The following ADAMTS19 variants were observed in gnomAD, a reference collection of about 807,000 sequenced individuals.
ADAMTS19 encodes the protein A disintegrin and metalloproteinase with thrombospondin motifs 19.
In ADAMTS19, 93 loss-of-function variants were observed where a neutral mutation model predicts 153.3. That is an observed-to-expected ratio of 0.61 (90% CI 0.51 to 0.72). The LOEUF (loss-of-function observed/expected upper bound fraction) is 0.72, where lower values mean the gene tolerates loss of function less well. ADAMTS19 is among the 30% of genes least tolerant of loss of function. The pLI is 0.00. For synonymous variants in ADAMTS19, 600 were observed against 556.6 expected (o/e 1.08, Z -1.10); for missense variants, 1,482 against 1,552.1 (o/e 0.95, Z 0.76).
chr5:129,560,443 T>C (rs547811543), intron 7 of ADAMTS19, among the ~76,000 whole-genome samples: 1 of 152,284 alleles, frequency 6.6e-6, no homozygotes, highest in African/African-American at 2.4e-5. Context: ...ATTATCTTTG[T>C]CCCAGTGCGA....
chr5:129,693,734 G>T (rs1755436331), intron 18 of ADAMTS19, among the ~76,000 whole-genome samples: 1 of 152,030 alleles, frequency 6.6e-6, no homozygotes, highest in African/African-American at 2.4e-5. Context: ...TAAGCAAAAG[G>T]AATACAGCAT....
At chr5:129,664,162 C>A (rs1052902689) in intron 15 of ADAMTS19, among the ~76,000 whole-genome samples, 3 of 152,162 alleles carry the variant, frequency 2.0e-5, no homozygotes, top group Non-Finnish European at 4.4e-5. Flanking sequence ...GTAGCTTAAA[C>A]AACTCTGGTT....
At chr5:129,697,396 C>A (rs72792833) in intron 19 of ADAMTS19, among the ~76,000 whole-genome samples, 1 of 152,110 alleles carries the variant, frequency 6.6e-6, no homozygotes, top group Non-Finnish European at 1.5e-5. Context: ...GTAGTAGAAG[C>A]TGATTATCAA....
intron 21 of ADAMTS19, among the ~76,000 whole-genome samples, chr5:129,718,646 A>G (rs1481781628): frequency 1.3e-5 from 2 of 152,184 alleles, no homozygotes; most frequent in African/African-American, 4.8e-5. Flanking sequence ...TTCCAGTAGA[A>G]GTCATCATTT....
chr5:129,536,923 G>A (rs1483349178), intron 6 of ADAMTS19, among the ~76,000 whole-genome samples: 5 of 150,688 alleles, frequency 3.3e-5, no homozygotes, highest in Admixed American at 6.6e-5. Flanking sequence ...GTGGCGGGTC[G>A]GGGGAGGGAT....
chr5:129,715,279 A>G (rs1046392270), intron 21 of ADAMTS19, among the ~76,000 whole-genome samples: 12 of 152,190 alleles, frequency 7.9e-5, no homozygotes, highest in Admixed American at 6.5e-4. Flanking sequence ...AATCCTTACA[A>G]TTTTTCAGGC....
At chr5:129,540,248 G>C (rs187671936) in intron 6 of ADAMTS19, among the ~76,000 whole-genome samples, 1 of 152,090 alleles carries the variant, frequency 6.6e-6, no homozygotes, top group Non-Finnish European at 1.5e-5. Flanking sequence ...GGTCAAGTTT[G>C]GTCTCACATA....
chr5:129,613,173 T>C (rs557191593), intron 8 of ADAMTS19, among the ~76,000 whole-genome samples: 1 of 152,258 alleles, frequency 6.6e-6, no homozygotes, highest in East Asian at 1.9e-4. Flanking sequence ...ACCTCAGTGC[T>C]GCACAAGTGG....
chr5:129,681,342 A>G (rs986610157), intron 17 of ADAMTS19, among the ~76,000 whole-genome samples: 2 of 152,164 alleles, frequency 1.3e-5, no homozygotes, highest in Non-Finnish European at 2.9e-5. Flanking sequence ...GTTCTATATA[A>G]CTGCAATTAA....
At chr5:129,577,139 A>G (rs1445652508) in intron 7 of ADAMTS19, among the ~76,000 whole-genome samples, 1 of 152,134 alleles carries the variant, frequency 6.6e-6, no homozygotes, top group Non-Finnish European at 1.5e-5. Flanking sequence ...CTGCCATCAG[A>G]GAGAAGCCTT....
At chr5:129,725,275 CT>C (rs1305717150) in intron 21 of ADAMTS19, among the ~76,000 whole-genome samples, 1 of 152,054 alleles carries the variant, frequency 6.6e-6, no homozygotes, top group Non-Finnish European at 1.5e-5. Flanking sequence ...GACCTTTTGA[CT>C]GGGGGTGTTA....
chr5:129,720,420 C>G (rs956818510), intron 21 of ADAMTS19, among the ~76,000 whole-genome samples: 3 of 152,002 alleles, frequency 2.0e-5, no homozygotes, highest in African/African-American at 7.2e-5. Context: ...CCTTGGCCTC[C>G]CAAAATGCTG....
chr5:129,562,044 G>C (rs1030820999), intron 7 of ADAMTS19, among the ~76,000 whole-genome samples: 4 of 152,136 alleles, frequency 2.6e-5, no homozygotes, highest in Non-Finnish European at 5.9e-5. Flanking sequence ...TTTATAGAGT[G>C]ACAAGTTCAC....
chr5:129,725,738 C>T lies in ADAMTS19; in HGVS notation c.3313-9194C>T, dbSNP rs143817914. The stretch of plus-strand genomic sequence containing the variant: ...CCACTTCTGCCCTGGTCATGTCTGC[C>T]TGACTATCTAGCATAACACTACCAC... On this transcript the variant is annotated intron_variant, in intron 21 of 22. Transcript: ENST00000274487. Among the ~76,000 whole-genome samples the T allele has an allele frequency of 1.4e-3, 216 of 152,076 alleles. 1 individual carries two copies. The highest frequency in any genetic ancestry group is 6.8e-3 in the Middle Eastern group (2 of 294).
At chr5:129,500,293 A>G (rs899267352) in intron 2 of ADAMTS19, 2 of 152,138 alleles carry the variant, frequency 1.3e-5, no homozygotes, top group African/African-American at 4.8e-5. Context: ...TGGCTCCTCT[A>G]GCATTGGAAC....
chr5:129,674,225 C>T (rs1201917676), intron 16 of ADAMTS19, among the ~76,000 whole-genome samples: 1 of 74,588 alleles, frequency 1.3e-5, no homozygotes, highest in Non-Finnish European at 3.6e-5. Flanking sequence ...GAGCGAAACT[C>T]CATCTCAAAA....
At chr5:129,563,873 GTAAT>G (rs1365024460) in intron 7 of ADAMTS19, among the ~76,000 whole-genome samples, 2 of 152,076 alleles carry the variant, frequency 1.3e-5, no homozygotes, top group Non-Finnish European at 2.9e-5. Context: ...TTTTGCAGAG[GTAAT>G]TAAAGTTTTT....
At chr5:129,506,194 C>A (rs73242257) in intron 2 of ADAMTS19, among the ~76,000 whole-genome samples, 2,846 of 152,182 alleles carry the variant, frequency 0.019, 88 homozygotes, top group African/African-American at 0.065. Flanking sequence ...TTAATATGAG[C>A]CAGTATCTTG....
At chr5:129,590,454 G>C (rs1196465776) in intron 7 of ADAMTS19, among the ~76,000 whole-genome samples, 1 of 152,094 alleles carries the variant, frequency 6.6e-6, no homozygotes, top group Non-Finnish European at 1.5e-5. Flanking sequence ...TATCTTATTT[G>C]ATCAGAGATT....
Sources: allele counts gnomAD v4.1 joint callset (sites outside exome capture counted in the v4.1 genomes callset), GRCh38; gene constraint gnomAD v4.1.1; transcripts MANE v1.5; gene names NCBI Gene and HGNC (gene_info 2026-07-23, HGNC 2026-07-21).